Variants in MYO16 observed in about 807,000 individuals in gnomAD.
MYO16 encodes the protein unconventional myosin-XVI.
A neutral mutation model predicts 205.3 loss-of-function variants in MYO16; 94 were observed. The ratio of observed to expected loss-of-function variants is 0.46; its 90% CI spans 0.39 to 0.54. The LOEUF (loss-of-function observed/expected upper bound fraction) is 0.54, where lower values mean the gene tolerates loss of function less well. MYO16 is among the 20% of genes least tolerant of loss of function. The probability of loss-of-function intolerance (pLI) is 0.00; values close to 1 mark genes in which losing one functional copy is unlikely to be tolerated. For missense variants in MYO16, 2,315 were observed against 2,387.5 expected, an observed-to-expected ratio of 0.97 and a Z score of 0.63; for synonymous variants, 988 against 954.0, an observed-to-expected ratio of 1.04 and a Z score of -0.66.
At chr13:108,684,121 G>A (rs1242043661) in intron 2 of MYO16, among the ~76,000 whole-genome samples, 12 of 152,266 alleles carry the variant, frequency 7.9e-5, no homozygotes, top group Middle Eastern at 3.4e-3. Context: ...TGATCCGCCC[G>A]CCTCGGCCTC....
intron 27 of MYO16, among the ~76,000 whole-genome samples, chr13:109,061,065 G>C (rs1887576681): frequency 6.6e-6 from 1 of 151,938 alleles, no homozygotes. Context: ...CAAATCTCAT[G>C]AATCAACCTC....
the MYO16 span, among the ~76,000 whole-genome samples, chr13:108,579,403 T>G: frequency 2.0e-5 from 3 of 152,048 alleles, no homozygotes; most frequent in Non-Finnish European, 4.4e-5. Flanking sequence ...GAAGGATTAA[T>G]GCTGATCATT....
rs779903085 is a variant in MYO16, at chr13:109,206,877, T to C, written c.*41T>C. On this transcript the variant is annotated 3_prime_UTR_variant, in exon 35 of 35. Transcript: ENST00000457511. ...AGACTTACAAAATAGAACTGCCTAC[T>C]GATTCCGGGCTGCAACAACAGAAGG... The C allele has an allele frequency of 1.7e-5, 27 of 1,562,008 alleles. No homozygotes were observed. In the Middle Eastern group the frequency reaches 6.8e-4, roughly 39 times the overall value.
Position 108,604,760 on chromosome 13 carries a change from C to T in MYO16, c.-39+8521C>T, listed in dbSNP as rs1310102505. 2.0e-5 allele frequency among the ~76,000 whole-genome samples: 3 copies of T among 152,142 alleles called. No homozygotes were observed. In the East Asian group the frequency reaches 5.8e-4, roughly 29 times the overall value. On this transcript the variant is annotated intron_variant, in intron 1 of 24. Coordinates refer to the MYO16 transcript ENST00000251041. ...CGGAAGGGTTTTAAATAAGCACTTACCAACTTAATTGCAACTGTGTTTCTG... is the reference window on the plus strand; with the variant it reads ...CGGAAGGGTTTTAAATAAGCACTTATCAACTTAATTGCAACTGTGTTTCTG...
chr13:109,127,198 CT>C lies in MYO16; in HGVS notation c.3783-83del. On this transcript the variant is annotated intron_variant, in intron 30 of 34. Transcript: ENST00000457511. The surrounding 1 kb of genome is among the most constrained non-coding windows in gnomAD (Gnocchi z 4.2). ...GCTTGCCAAAAAGCCGTCATTATGT[CT>C]GCTTGAGCAGGTTCCTTGTTACCGG... 6.9e-7 allele frequency: 1 copy of C among 1,457,640 alleles called. No homozygotes were observed. The highest frequency in any genetic ancestry group is 9.1e-7 in the Non-Finnish European group (1 of 1,099,584). The allele number at this position is 1,457,640 out of a possible 1,614,324, so 90.3% of individuals were successfully genotyped here.
chr13:109,142,642 C>T (rs1284527234), intron 32 of MYO16, among the ~76,000 whole-genome samples: 2 of 152,138 alleles, frequency 1.3e-5, no homozygotes, highest in African/African-American at 4.8e-5. Context: ...AACTCTATAA[C>T]TTCACCTTAG....
At chr13:108,987,518 G>A (rs539860347) in intron 20 of MYO16, among the ~76,000 whole-genome samples, 146 of 152,350 alleles carry the variant, frequency 9.6e-4, no homozygotes, top group Non-Finnish European at 1.6e-3. Flanking sequence ...GAATAAATCA[G>A]CATATTGACA....
chr13:109,200,186 C>T (rs79633151), intron 34 of MYO16, among the ~76,000 whole-genome samples: 2,706 of 152,250 alleles, frequency 0.018, 35 homozygotes, highest in Non-Finnish European at 0.028. Context: ...CTATCATAGT[C>T]TTACATAGAA....
intron 21 of MYO16, among the ~76,000 whole-genome samples, chr13:108,997,879 C>G (rs1280241534): frequency 1.3e-5 from 2 of 152,120 alleles, no homozygotes; most frequent in African/African-American, 4.8e-5. Context: ...AATTTATCTT[C>G]AAGCCAGGCT....
At chr13:108,848,470 G>A (rs944720172) in intron 10 of MYO16, among the ~76,000 whole-genome samples, 2 of 152,128 alleles carry the variant, frequency 1.3e-5, no homozygotes, top group Non-Finnish European at 2.9e-5. Context: ...TAAAACTCAA[G>A]TTTCAAACTG....
chr13:108,805,551 G>GTT (rs557957592), intron 6 of MYO16, among the ~76,000 whole-genome samples: 1 of 150,484 alleles, frequency 6.6e-6, no homozygotes, highest in African/African-American at 2.4e-5. Context: ...TACTTTTAAG[G>GTT]TTTTTTTTTC....
At chr13:109,056,369 A>G (rs1023495744) in intron 27 of MYO16, among the ~76,000 whole-genome samples, 9 of 152,176 alleles carry the variant, frequency 5.9e-5, no homozygotes, top group Non-Finnish European at 1.3e-4. Flanking sequence ...CCCTCAGGCT[A>G]CATATTTGTT....
chr13:108,859,805 C>T (rs1878366632), intron 11 of MYO16, among the ~76,000 whole-genome samples: 1 of 151,858 alleles, frequency 6.6e-6, no homozygotes, highest in African/African-American at 2.4e-5. Flanking sequence ...GGACTTGAGA[C>T]TCATAAAAAA....
chr13:109,011,405 G>A (rs1885591296), intron 22 of MYO16, among the ~76,000 whole-genome samples: 1 of 151,714 alleles, frequency 6.6e-6, no homozygotes, highest in African/African-American at 2.4e-5. Context: ...ATTCCCTTTG[G>A]CTGGCAAGGG....
At chr13:108,531,884 C>T in the MYO16 span, among the ~76,000 whole-genome samples, 1 of 152,052 alleles carries the variant, frequency 6.6e-6, no homozygotes, top group African/African-American at 2.4e-5. Flanking sequence ...CCAGAAGAGT[C>T]AAGGGATATG....
intron 1 of MYO16, among the ~76,000 whole-genome samples, chr13:108,615,103 T>C (rs1459798402): frequency 2.0e-5 from 3 of 152,010 alleles, no homozygotes; most frequent in Non-Finnish European, 4.4e-5. Context: ...ACTCTTGCAA[T>C]ATAACAATAA....
At chr13:108,997,408 GAGGAAAGGAAAGGAAAGGAAAGGAA>G (rs71125358) in intron 21 of MYO16, among the ~76,000 whole-genome samples, 22 of 84,146 alleles carry the variant, frequency 2.6e-4, no homozygotes, top group African/African-American at 9.8e-4. Context: ...GGGAGAGTGG[GAGGAAAGGAAAGGAAAGGAAAGGAA>G]AGGAAAGGAA....
chr13:108,583,243 G>A, the MYO16 span, among the ~76,000 whole-genome samples: 1 of 152,074 alleles, frequency 6.6e-6, no homozygotes, highest in African/African-American at 2.4e-5. Flanking sequence ...ATTAACGAAG[G>A]CACTCAGGTT....
At chr13:108,573,558 G>A in the MYO16 span, among the ~76,000 whole-genome samples, 6 of 152,172 alleles carry the variant, frequency 3.9e-5, no homozygotes, top group African/African-American at 1.4e-4. Flanking sequence ...AGAGAGACCA[G>A]GGATAGACTG....
Sources: gnomAD v4.1 joint callset for allele counts (sites outside exome capture counted in the v4.1 genomes callset) on GRCh38, gnomAD v4.1.1 for gene constraint, Gnocchi (gnomAD v3.1) non-coding constraint, MANE v1.5 for transcripts, NCBI Gene and HGNC (gene_info 2026-07-23, HGNC 2026-07-21) for gene names.